The following FYN variants were observed in gnomAD, a reference collection of about 807,000 sequenced individuals.
FYN encodes the protein tyrosine-protein kinase Fyn.
A neutral mutation model predicts 70.2 loss-of-function variants in FYN; 10 were observed. That is an observed-to-expected ratio of 0.14 (90% CI 0.09 to 0.24). The LOEUF (loss-of-function observed/expected upper bound fraction) is 0.24. FYN is among the 10% of genes least tolerant of loss of function. The pLI, the probability that FYN is intolerant of heterozygous loss-of-function variation, is 1.00. For missense variants in FYN, 319 were observed against 673.1 expected (o/e 0.47, Z 5.82); for synonymous variants, 236 against 248.6 (o/e 0.95, Z 0.48).
intron 2 of FYN, among the ~76,000 whole-genome samples, chr6:111,789,348 T>C (rs1771521322): frequency 1.3e-5 from 2 of 151,874 alleles, no homozygotes; most frequent in African/African-American, 4.8e-5. Flanking sequence ...GTGGGCAGAG[T>C]CATGCAAATG....
intron 1 of FYN, among the ~76,000 whole-genome samples, chr6:111,861,915 G>T (rs1773975404): frequency 6.6e-6 from 1 of 152,228 alleles, no homozygotes; most frequent in African/African-American, 2.4e-5. Flanking sequence ...CTTAGTCTGG[G>T]ACAGAACCCT....
chr6:111,813,750 TAGC>T (rs750398827), intron 2 of FYN: 4 of 152,252 alleles, frequency 2.6e-5, no homozygotes, highest in Non-Finnish European at 5.9e-5. Context: ...CTGAAGGTCT[TAGC>T]AGTGCTAGAG....
At chr6:111,687,608 GT>G (rs1246309691) in intron 12 of FYN, among the ~76,000 whole-genome samples, 206 of 142,052 alleles carry the variant, frequency 1.5e-3, no homozygotes, top group African/African-American at 4.3e-3. Flanking sequence ...GTGGGTGGGT[GT>G]GTGTGTGTGT....
intron 2 of FYN, among the ~76,000 whole-genome samples, chr6:111,843,773 C>A (rs900001028): frequency 6.6e-6 from 1 of 152,128 alleles, no homozygotes; most frequent in Non-Finnish European, 1.5e-5. Context: ...CTGATAAAGC[C>A]TGCAGTTCCA....
chr6:111,771,620 T>G (rs1803455021), intron 3 of FYN, among the ~76,000 whole-genome samples: 1 of 152,174 alleles, frequency 6.6e-6, no homozygotes, highest in Non-Finnish European at 1.5e-5. Flanking sequence ...GACAATGAAA[T>G]TCCATTTATA....
At chr6:111,808,704 CA>C (rs1772230480) in intron 2 of FYN, among the ~76,000 whole-genome samples, 2 of 152,142 alleles carry the variant, frequency 1.3e-5, no homozygotes, top group South Asian at 4.1e-4. Context: ...CAAAAGCAAG[CA>C]TACCAGGGAG....
intron 2 of FYN, among the ~76,000 whole-genome samples, chr6:111,797,711 T>TACAC (rs1335738031): frequency 1.4e-3 from 142 of 101,234 alleles, no homozygotes; most frequent in African/African-American, 2.3e-3. Context: ...TATATATATA[T>TACAC]ACACACACAC....
chr6:111,687,834 A>G (rs1004235156), intron 12 of FYN, among the ~76,000 whole-genome samples: 2 of 152,168 alleles, frequency 1.3e-5, no homozygotes, highest in African/African-American at 4.8e-5. Context: ...CTATTTTAAG[A>G]GGAAGAAATA....
intron 2 of FYN, among the ~76,000 whole-genome samples, chr6:111,827,454 T>C (rs976429243): frequency 6.6e-6 from 1 of 152,134 alleles, no homozygotes; most frequent in African/African-American, 2.4e-5. Context: ...TTCCGGCTCA[T>C]GCCCATCTTT....
At chr6:111,779,814 A>C (rs1771103251) in intron 3 of FYN, among the ~76,000 whole-genome samples, 1 of 152,190 alleles carries the variant, frequency 6.6e-6, no homozygotes, top group South Asian at 2.1e-4. Context: ...TCTCCAAACA[A>C]GGCTGCTCTG....
chr6:111,726,233 G>T (rs150378570), intron 3 of FYN, among the ~76,000 whole-genome samples: 5 of 152,344 alleles, frequency 3.3e-5, no homozygotes, highest in African/African-American at 1.2e-4. Flanking sequence ...CTAACAGATG[G>T]ATGTTGTTTT....
chr6:111,768,683 C>T (rs1277312849), intron 3 of FYN, among the ~76,000 whole-genome samples: 1 of 152,188 alleles, frequency 6.6e-6, no homozygotes, highest in Non-Finnish European at 1.5e-5. Flanking sequence ...TGCTCTGCCA[C>T]TATATTTTAT....
intron 3 of FYN, among the ~76,000 whole-genome samples, chr6:111,757,922 C>A (rs1000714205): frequency 1.3e-5 from 2 of 152,092 alleles, no homozygotes; most frequent in African/African-American, 4.8e-5. Context: ...CATACGATTT[C>A]TTTTTTCCAC....
At chr6:111,751,690 C>T (rs1802496288) in intron 3 of FYN, among the ~76,000 whole-genome samples, 1 of 152,004 alleles carries the variant, frequency 6.6e-6, no homozygotes. Context: ...GGCACAATCA[C>T]AGCTCCCTGC....
At chr6:111,808,400 AG>A (rs1772219471) in intron 2 of FYN, among the ~76,000 whole-genome samples, 1 of 152,220 alleles carries the variant, frequency 6.6e-6, no homozygotes, top group African/African-American at 2.4e-5. Context: ...AAGGTGAGGA[AG>A]CAGACACCAG....
At chr6:111,796,335 T>C (rs1404289858) in intron 2 of FYN, among the ~76,000 whole-genome samples, 1 of 152,236 alleles carries the variant, frequency 6.6e-6, no homozygotes, top group Non-Finnish European at 1.5e-5. Flanking sequence ...GTGCTTTTTC[T>C]ATGTTTAGAT....
intron 13 of FYN, among the ~76,000 whole-genome samples, chr6:111,665,208 T>C (rs1797939108): frequency 2.0e-5 from 3 of 152,224 alleles, no homozygotes. Context: ...GCATTCCCTT[T>C]GCGTGTTATG....
At chr6:111,693,762 C>A (rs1350795842) in intron 12 of FYN, among the ~76,000 whole-genome samples, 1 of 152,072 alleles carries the variant, frequency 6.6e-6, no homozygotes, top group Non-Finnish European at 1.5e-5. Flanking sequence ...TCGCTGAGCT[C>A]CTGTGACCTC....
intron 13 of FYN, among the ~76,000 whole-genome samples, chr6:111,670,804 C>G (rs1798231745): frequency 6.6e-6 from 1 of 151,904 alleles, no homozygotes; most frequent in Non-Finnish European, 1.5e-5. Context: ...AAACTGGAAG[C>G]AGAGGGGAAA....
Sources: allele counts gnomAD v4.1 joint callset (sites outside exome capture counted in the v4.1 genomes callset), GRCh38; gene constraint gnomAD v4.1.1; transcripts MANE v1.5; gene names NCBI Gene and HGNC (gene_info 2026-07-23, HGNC 2026-07-21).